OR3A3: variants seen among roughly 807,000 people sequenced by gnomAD.
OR3A3 encodes the protein olfactory receptor family 3 subfamily A member 3.
For missense variants in OR3A3, 275 were observed against 391.4 expected, an observed-to-expected ratio of 0.70 and a Z score of 2.51; for synonymous variants, 103 against 163.9, an observed-to-expected ratio of 0.63 and a Z score of 2.84.
chr17:3,421,729 G>C (rs2072436877), exon 3 of OR3A3: 1 of 583,822 alleles, frequency 1.7e-6, no homozygotes, highest in Non-Finnish European at 2.7e-6. Flanking sequence ...TTACTTCTAT[G>C]ATCCAAACAA....
intron 2 of OR3A3, among the ~76,000 whole-genome samples, chr17:3,420,009 C>T (rs571656349): frequency 2.8e-4 from 43 of 152,242 alleles, no homozygotes; most frequent in South Asian, 1.0e-3. Context: ...CCTCGTGATC[C>T]GCCTGCCTTG....
At chr17:3,414,023 G>A (rs2072376740) in intron 2 of OR3A3, among the ~76,000 whole-genome samples, 1 of 152,064 alleles carries the variant, frequency 6.6e-6, no homozygotes, top group African/African-American at 2.4e-5. Context: ...AGACTCCAGT[G>A]AGATGCACGT....
chr17:3,416,118 G>A (rs1415624500), intron 2 of OR3A3, among the ~76,000 whole-genome samples: 1 of 151,798 alleles, frequency 6.6e-6, no homozygotes, highest in Non-Finnish European at 1.5e-5. Context: ...GGCCTACTTA[G>A]TTTTATTTTA....
At chr17:3,421,103 G>T in exon 3 of OR3A3, 1 of 1,614,086 alleles carries the variant, frequency 6.2e-7, no homozygotes, top group Non-Finnish European at 8.5e-7. Flanking sequence ...AACTTCTGTG[G>T]CCCCAATGAG....
rs533737287 is a variant in OR3A3, at chr17:3,412,931, C to G, written c.-7+760C>G. ...AGTCTAGCCCAAATATTAATGTGTC[C>G]GGAAAGTCTTCCATGACAACTCTAG... On this transcript the variant is annotated intron_variant, in intron 2 of 2. Transcript: ENST00000641141. Among the ~76,000 whole-genome samples, 50 of 152,272 alleles carry G rather than the reference C, an allele frequency of 3.3e-4. 2 individuals carry two copies. In the South Asian group the frequency reaches 0.01, roughly 32 times the overall value.
exon 3 of OR3A3, chr17:3,421,061 C>T (rs376062421): frequency 2.0e-5 from 32 of 1,614,160 alleles, no homozygotes; most frequent in Non-Finnish European, 2.6e-5. Flanking sequence ...TTCACCAACG[C>T]ACTGACCCAC....
intron 2 of OR3A3, among the ~76,000 whole-genome samples, chr17:3,417,112 C>T (rs10491216): frequency 0.18 from 27,175 of 151,760 alleles, 2,693 homozygotes; most frequent in East Asian, 0.36. Context: ...CTTTTACTCA[C>T]GATTAGATCA....
chr17:3,420,383 C>A (rs565845306), intron 2 of OR3A3, among the ~76,000 whole-genome samples, 197 bp from the exon 3 acceptor site: 2 of 152,306 alleles, frequency 1.3e-5, no homozygotes, highest in East Asian at 3.9e-4. Context: ...CTGACCTTTT[C>A]AGCTAGCAGA....
At chr17:3,421,046 G>A in exon 3 of OR3A3, 4 of 1,614,178 alleles carry the variant, frequency 2.5e-6, no homozygotes, top group African/African-American at 1.3e-5. Context: ...TCCTGGGCTT[G>A]TGCCTTCACC....
At position 3,419,199 on chromosome 17, in the gene OR3A3, C is replaced by T. The variant is rs1466589493; in HGVS notation, c.-6-1381C>T. On this transcript the variant is annotated intron_variant, in intron 2 of 2. Coordinates refer to ENST00000641141, the Ensembl canonical transcript of OR3A3. The stretch of plus-strand genomic sequence containing the variant: ...TGAATTGACACTTCATAGTGTGGTC[C>T]CTCTCTTTGAAGAAATGTGCTGGGC... Among the ~76,000 whole-genome samples the T allele has an allele frequency of 2.6e-5, 4 of 152,130 alleles. No individual in the cohort carries two copies. In the East Asian group the frequency reaches 5.8e-4, roughly 22 times the overall value.
At chr17:3,414,002 T>C (rs926574763) in intron 2 of OR3A3, among the ~76,000 whole-genome samples, 7 of 152,122 alleles carry the variant, frequency 4.6e-5, no homozygotes, top group Non-Finnish European at 7.4e-5. Flanking sequence ...GGAGACATCC[T>C]CTTGCTGTAG....
intron 2 of OR3A3, among the ~76,000 whole-genome samples, chr17:3,418,761 C>T (rs2072407578): frequency 6.6e-6 from 1 of 152,202 alleles, no homozygotes; most frequent in South Asian, 2.1e-4. Flanking sequence ...CCAACCCCTT[C>T]CCATCTTCTG....
chr17:3,417,424 G>T (rs2072399118), intron 2 of OR3A3, among the ~76,000 whole-genome samples: 1 of 152,064 alleles, frequency 6.6e-6, no homozygotes, highest in Non-Finnish European at 1.5e-5. Flanking sequence ...TTTCTACAGT[G>T]TCATTGTTCA....
At chr17:3,416,581 A>G (rs192444669) in intron 2 of OR3A3, among the ~76,000 whole-genome samples, 25 of 152,202 alleles carry the variant, frequency 1.6e-4, no homozygotes, top group African/African-American at 5.8e-4. Context: ...CTCTTTCTCT[A>G]CTTTTTCTAT....
chr17:3,417,674 A>C (rs560171471), intron 2 of OR3A3, among the ~76,000 whole-genome samples: 2 of 152,302 alleles, frequency 1.3e-5, no homozygotes, highest in East Asian at 3.9e-4. Flanking sequence ...CTTAATAGAA[A>C]ATTCTTTGGT....
chr17:3,422,424 A>G (rs1567585130), exon 3 of OR3A3: 1 of 152,182 alleles, frequency 6.6e-6, no homozygotes, highest in Non-Finnish European at 1.5e-5. Flanking sequence ...TTATGTTCCA[A>G]CTAGGTCCTC....
At chr17:3,419,005 G>A (rs533546960) in intron 2 of OR3A3, among the ~76,000 whole-genome samples, 17 of 152,264 alleles carry the variant, frequency 1.1e-4, no homozygotes, top group African/African-American at 3.8e-4. Flanking sequence ...AACCCTAACT[G>A]CACCTGGCAG....
intron 2 of OR3A3, among the ~76,000 whole-genome samples, chr17:3,413,269 CT>C (rs1172919332): frequency 1.3e-5 from 2 of 152,026 alleles, no homozygotes; most frequent in Non-Finnish European, 2.9e-5. Context: ...GAGAGTGATC[CT>C]TTTGAGATGG....
chr17:3,421,699 T>A (rs1217227032), exon 3 of OR3A3: 2 of 660,156 alleles, frequency 3.0e-6, no homozygotes, highest in Non-Finnish European at 4.7e-6. Context: ...CATTTATTCA[T>A]TCAACAAATA....
Sources: gnomAD v4.1 joint callset for allele counts (sites outside exome capture counted in the v4.1 genomes callset) on GRCh38, gnomAD v4.1.1 for gene constraint, MANE v1.5 for transcripts, NCBI Gene and HGNC (gene_info 2026-07-23, HGNC 2026-07-21) for gene names.